Variants in GPC6 observed in about 807,000 individuals in gnomAD.
GPC6 encodes the protein glypican-6.
In GPC6, 14 loss-of-function variants were observed where a neutral mutation model predicts 55.2. The observed-to-expected ratio is 0.25, with a 90% CI of 0.17 to 0.40. GPC6 has a LOEUF of 0.40. Ranked by LOEUF, GPC6 falls within the 10% of genes least tolerant of loss-of-function variation. GPC6 has a pLI of 1.00. For synonymous variants in GPC6, 278 were observed against 259.6 expected, an observed-to-expected ratio of 1.07 and a Z score of -0.68; for missense variants, 641 against 708.5, an observed-to-expected ratio of 0.90 and a Z score of 1.08.
At chr13:93,330,655 C>T (rs1247104191) in intron 1 of GPC6, among the ~76,000 whole-genome samples, 1 of 152,182 alleles carries the variant, frequency 6.6e-6, no homozygotes, top group Non-Finnish European at 1.5e-5. Context: ...CATTTTCTCA[C>T]TTGCGTACCC....
At chr13:93,520,201 A>G (rs1881360048) in intron 1 of GPC6, among the ~76,000 whole-genome samples, 1 of 152,000 alleles carries the variant, frequency 6.6e-6, no homozygotes, top group South Asian at 2.1e-4. Context: ...ACCAACTTGG[A>G]AAGTGCAGCT....
At chr13:93,734,302 C>T (rs1883925098) in intron 2 of GPC6, among the ~76,000 whole-genome samples, 1 of 152,150 alleles carries the variant, frequency 6.6e-6, no homozygotes, top group Non-Finnish European at 1.5e-5. Flanking sequence ...CAGAATCTCA[C>T]TAGTGGGAAC....
intron 3 of GPC6, among the ~76,000 whole-genome samples, chr13:93,868,100 T>A (rs1043648129): frequency 6.6e-6 from 1 of 151,768 alleles, no homozygotes; most frequent in African/African-American, 2.4e-5. Context: ...TTTCCACACT[T>A]GAGGGAGACT....
chr13:93,887,409 A>G (rs1467305359), intron 3 of GPC6, among the ~76,000 whole-genome samples: 8 of 152,112 alleles, frequency 5.3e-5, no homozygotes, highest in African/African-American at 1.7e-4. Flanking sequence ...TTTAATTAAT[A>G]GGAAATTAGA....
intron 1 of GPC6, among the ~76,000 whole-genome samples, chr13:93,266,041 CA>C (rs1255886894): frequency 2.6e-5 from 4 of 152,108 alleles, no homozygotes; most frequent in Admixed American, 1.3e-4. Context: ...ACCAGCCTAC[CA>C]CTGTACATGT....
At chr13:94,186,388 T>G (rs1266404537) in intron 4 of GPC6, among the ~76,000 whole-genome samples, 1 of 152,224 alleles carries the variant, frequency 6.6e-6, no homozygotes, top group Non-Finnish European at 1.5e-5. Context: ...TTTTCCTCCT[T>G]CTTTAAATTT....
chr13:93,333,103 G>A (rs572901792), intron 1 of GPC6, among the ~76,000 whole-genome samples: 4 of 152,166 alleles, frequency 2.6e-5, no homozygotes, highest in East Asian at 3.9e-4. Flanking sequence ...GGTTGTGATC[G>A]CTTTGTAGTA....
At chr13:94,160,156 G>C (rs1485763869) in intron 4 of GPC6, among the ~76,000 whole-genome samples, 1 of 152,156 alleles carries the variant, frequency 6.6e-6, no homozygotes, top group African/African-American at 2.4e-5. Flanking sequence ...TTTTATTGAA[G>C]TATATTGTTA....
At chr13:93,684,779 AAAG>A (rs1449617779) in intron 2 of GPC6, among the ~76,000 whole-genome samples, 3 of 152,194 alleles carry the variant, frequency 2.0e-5, no homozygotes, top group Admixed American at 6.5e-5. Context: ...ATGTTAAAAA[AAAG>A]AAGGATAGCA....
intron 1 of GPC6, among the ~76,000 whole-genome samples, chr13:93,417,007 G>A (rs1318693519): frequency 1.3e-5 from 2 of 152,048 alleles, no homozygotes; most frequent in Admixed American, 6.6e-5. Flanking sequence ...AAAGCCACTG[G>A]GATTTGAATC....
At chr13:93,907,794 C>T (rs1022333777) in intron 3 of GPC6, among the ~76,000 whole-genome samples, 1 of 152,050 alleles carries the variant, frequency 6.6e-6, no homozygotes, top group Non-Finnish European at 1.5e-5. Context: ...AAACAATTTG[C>T]TGTTTAATCA....
intron 1 of GPC6, among the ~76,000 whole-genome samples, chr13:93,251,186 G>A (rs1390975703): frequency 6.6e-6 from 1 of 152,112 alleles, no homozygotes; most frequent in Non-Finnish European, 1.5e-5. Context: ...CCGTATCACT[G>A]GGTGACTTGG....
intron 2 of GPC6, among the ~76,000 whole-genome samples, chr13:93,779,867 T>C (rs1885583869): frequency 6.6e-6 from 1 of 152,306 alleles, no homozygotes; most frequent in Admixed American, 6.5e-5. Flanking sequence ...AGAAAGACCA[T>C]TCTGGATATT....
intron 1 of GPC6, among the ~76,000 whole-genome samples, chr13:93,293,680 T>C (rs1878389133): frequency 6.6e-6 from 1 of 152,258 alleles, no homozygotes; most frequent in Admixed American, 6.5e-5. Flanking sequence ...ACACTATTGT[T>C]ATCTTGAAAA....
At chr13:94,344,732 T>C (rs1594190333) in intron 6 of GPC6, among the ~76,000 whole-genome samples, 1 of 152,382 alleles carries the variant, frequency 6.6e-6, no homozygotes, top group Non-Finnish European at 1.5e-5. Flanking sequence ...ACACTGACAC[T>C]ATCTGCAACT....
chr13:94,047,676 C>T (rs1464779002), intron 4 of GPC6, among the ~76,000 whole-genome samples: 2 of 152,078 alleles, frequency 1.3e-5, no homozygotes, highest in Non-Finnish European at 2.9e-5. Flanking sequence ...AAACGGTTTT[C>T]AAGGTGAAAA....
chr13:94,273,019 T>A (rs1005563015), intron 4 of GPC6, among the ~76,000 whole-genome samples: 3 of 152,172 alleles, frequency 2.0e-5, no homozygotes, highest in African/African-American at 7.2e-5. Flanking sequence ...AAGTCATATC[T>A]TCCACATAAA....
intron 2 of GPC6, among the ~76,000 whole-genome samples, chr13:93,685,303 T>G (rs777352670): frequency 4.6e-5 from 7 of 152,162 alleles, no homozygotes; most frequent in Non-Finnish European, 8.8e-5. Flanking sequence ...AAAGAGCTGA[T>G]GTCAAGTCTC....
intron 4 of GPC6, among the ~76,000 whole-genome samples, chr13:94,082,794 A>G (rs552304582): frequency 5.3e-5 from 8 of 152,316 alleles, no homozygotes; most frequent in Non-Finnish European, 1.2e-4. Context: ...GATCCTCAGC[A>G]AATCCTGCAA....
Sources: allele counts gnomAD v4.1 joint callset (sites outside exome capture counted in the v4.1 genomes callset), GRCh38; gene constraint gnomAD v4.1.1; transcripts MANE v1.5; gene names NCBI Gene and HGNC (gene_info 2026-07-23, HGNC 2026-07-21).